The following LRRC9 variants were observed in gnomAD, a reference collection of about 807,000 sequenced individuals.
LRRC9 encodes leucine rich repeat containing 9.
LRRC9 carries 122 observed loss-of-function variants against 63.2 expected under a neutral mutation model. That is an observed-to-expected ratio of 1.93 (90% CI 1.67 to 2.24). The LOEUF (loss-of-function observed/expected upper bound fraction) is 2.24, where lower values mean the gene tolerates loss of function less well. Among genes scored for constraint, LRRC9 ranks in the 30% most tolerant of loss-of-function variants. The pLI is 0.00. For missense variants in LRRC9, 1,071 were observed against 627.7 expected, an observed-to-expected ratio of 1.71 and a Z score of -7.55; for synonymous variants, 366 against 213.1, an observed-to-expected ratio of 1.72 and a Z score of -6.25.
At chr14:59,937,414 A>C (rs1890228888) in intron 6 of LRRC9, among the ~76,000 whole-genome samples, 1 of 152,114 alleles carries the variant, frequency 6.6e-6, no homozygotes, top group South Asian at 2.1e-4. Context: ...TACCAAAACT[A>C]AGCTCAGTGG....
intron 20 of LRRC9, among the ~76,000 whole-genome samples, 184 bp downstream of exon 20, chr14:60,002,284 C>G (rs1006219655): frequency 5.3e-5 from 8 of 152,174 alleles, no homozygotes; most frequent in Non-Finnish European, 8.8e-5. Flanking sequence ...GTATACAATA[C>G]CGTATCGTTA....
intron 7 of LRRC9, among the ~76,000 whole-genome samples, chr14:59,939,315 T>C (rs1881500851): frequency 6.6e-6 from 1 of 151,914 alleles, no homozygotes; most frequent in South Asian, 2.1e-4. Flanking sequence ...AAGTAACAGA[T>C]GAAGACAGGA....
chr14:59,979,336 C>T (rs1040842750), intron 15 of LRRC9, among the ~76,000 whole-genome samples: 1 of 152,154 alleles, frequency 6.6e-6, no homozygotes, highest in Admixed American at 6.5e-5. Flanking sequence ...AAGAAAAACT[C>T]GGCCAGGTGC....
chr14:60,027,482 G>A lies in LRRC9; in HGVS notation c.3704-402G>A, dbSNP rs1891651298. Among the ~76,000 whole-genome samples, 1 of 151,962 alleles carries A rather than the reference G, an allele frequency of 6.6e-6. No homozygotes were observed. The highest frequency in any genetic ancestry group is 1.5e-5 in the Non-Finnish European group (1 of 67,950). Reference sequence around the variant, plus strand: ...TCTTCTAACATAATACAACAAATTAGTCTATTTTAAGAAATAATTAAATAT... The same window carrying A: ...TCTTCTAACATAATACAACAAATTAATCTATTTTAAGAAATAATTAAATAT... On this transcript the variant is annotated intron_variant, in intron 27 of 31. Coordinates refer to ENST00000445360, the Ensembl canonical transcript of LRRC9. The surrounding 1 kb of genome is among the most constrained non-coding windows in gnomAD (Gnocchi z 4.0).
intron 23 of LRRC9, among the ~76,000 whole-genome samples, chr14:60,015,574 C>A (rs926416384): frequency 6.6e-6 from 1 of 152,128 alleles, no homozygotes; most frequent in African/African-American, 2.4e-5. Flanking sequence ...CCCCACCAGG[C>A]CTCCATTGAT....
At chr14:60,000,535 C>T (rs757330957) in intron 19 of LRRC9, among the ~76,000 whole-genome samples, 6 of 151,982 alleles carry the variant, frequency 3.9e-5, no homozygotes, top group Non-Finnish European at 7.4e-5. Context: ...ACAAATAGAC[C>T]AATGGAACAG....
intron 29 of LRRC9, among the ~76,000 whole-genome samples, chr14:60,043,756 C>CTTTTTTTTTTTTTT (rs368065898): frequency 1.4e-5 from 1 of 71,556 alleles, no homozygotes; most frequent in Non-Finnish European, 2.8e-5. Flanking sequence ...TTTTCTTTTC[C>CTTTTTTTTTTTTTT]TTTTTTTTTT....
intron 20 of LRRC9, among the ~76,000 whole-genome samples, chr14:60,002,323 G>A (rs1168609225): frequency 6.6e-6 from 1 of 152,120 alleles, no homozygotes; most frequent in Non-Finnish European, 1.5e-5. Flanking sequence ...AGTCGTTAAA[G>A]TTATCGTTAA....
chr14:60,028,449 A>T (rs1891730227), intron 28 of LRRC9, among the ~76,000 whole-genome samples: 1 of 151,982 alleles, frequency 6.6e-6, no homozygotes. Flanking sequence ...TTGGCCCCTT[A>T]AACTTGTCAT....
intron 1 of LRRC9, among the ~76,000 whole-genome samples, chr14:59,926,333 G>A (rs1889206004): frequency 6.6e-6 from 1 of 152,040 alleles, no homozygotes; most frequent in South Asian, 2.1e-4. Flanking sequence ...GGGGAGGGAA[G>A]ATAGGTAAAT....
At chr14:60,007,965 A>G in intron 22 of LRRC9, 127 bp from the exon 23 acceptor site, 2 of 426,172 alleles carry the variant, frequency 4.7e-6, no homozygotes, top group Non-Finnish European at 8.2e-6. Context: ...AAAAAAAAGT[A>G]TACTTAAAGG....
chr14:59,967,103 C>G (rs941311710), exon 12 of LRRC9: 1 of 637,124 alleles, frequency 1.6e-6, no homozygotes, highest in Admixed American at 2.1e-5. Context: ...AAGGAGCTAC[C>G]GAAGGATGCT....
At chr14:59,994,169 G>GA (rs969365447) in intron 17 of LRRC9, among the ~76,000 whole-genome samples, 7 of 150,450 alleles carry the variant, frequency 4.7e-5, no homozygotes, top group South Asian at 2.1e-4. Context: ...AAATTTACAA[G>GA]AAAAAAAAAC....
At chr14:59,928,436 G>A in exon 3 of LRRC9, 1 of 695,700 alleles carries the variant, frequency 1.4e-6, no homozygotes. Context: ...TTCAGGGTTA[G>A]AGCCTTGTTT....
chr14:59,963,658 T>C (rs1019379311), intron 10 of LRRC9, among the ~76,000 whole-genome samples: 2 of 152,304 alleles, frequency 1.3e-5, no homozygotes, highest in Middle Eastern at 3.4e-3. Context: ...TATTTACTAG[T>C]TGAAGCTTCC....
At chr14:60,039,267 G>T (rs1892724387) in intron 29 of LRRC9, among the ~76,000 whole-genome samples, 1 of 152,158 alleles carries the variant, frequency 6.6e-6, no homozygotes, top group African/African-American at 2.4e-5. Flanking sequence ...TCGGGATGAT[G>T]CTGGCCTCAT....
At chr14:60,041,714 T>C (rs892958575) in intron 29 of LRRC9, among the ~76,000 whole-genome samples, 2 of 152,170 alleles carry the variant, frequency 1.3e-5, no homozygotes, top group Non-Finnish European at 2.9e-5. Context: ...GATAAGTTTA[T>C]TATTACTGAT....
At chr14:60,000,354 A>C (rs1450190283) in intron 19 of LRRC9, among the ~76,000 whole-genome samples, 1 of 152,150 alleles carries the variant, frequency 6.6e-6, no homozygotes, top group Non-Finnish European at 1.5e-5. Context: ...CCACTACCTG[A>C]ATGATGGGTT....
intron 29 of LRRC9, among the ~76,000 whole-genome samples, chr14:60,036,232 G>A (rs1277312002): frequency 6.6e-6 from 1 of 152,070 alleles, no homozygotes; most frequent in Non-Finnish European, 1.5e-5. Context: ...AGGGGTTAGG[G>A]CTTTAATATA....
Sources: gnomAD v4.1 joint callset for allele counts (sites outside exome capture counted in the v4.1 genomes callset) on GRCh38, gnomAD v4.1.1 for gene constraint, Gnocchi (gnomAD v3.1) non-coding constraint, MANE v1.5 for transcripts, NCBI Gene and HGNC (gene_info 2026-07-23, HGNC 2026-07-21) for gene names.